MTUS2: variants seen among roughly 807,000 people sequenced by gnomAD.
The protein encoded by MTUS2 is microtubule associated scaffold protein 2, also known as microtubule-associated tumor suppressor candidate 2.
In MTUS2, 40 loss-of-function variants were observed where a neutral mutation model predicts 114.1. The ratio of observed to expected loss-of-function variants is 0.35; its 90% CI spans 0.27 to 0.46. The LOEUF (loss-of-function observed/expected upper bound fraction) is 0.46. MTUS2 is among the 20% of genes least tolerant of loss of function. MTUS2 has a pLI of 1.00. For missense variants in MTUS2, 1,679 were observed against 1,705.4 expected, an observed-to-expected ratio of 0.98 and a Z score of 0.27; for synonymous variants, 688 against 672.0, an observed-to-expected ratio of 1.02 and a Z score of -0.37.
At chr13:29,216,470 C>CT (rs927855044) in intron 5 of MTUS2, among the ~76,000 whole-genome samples, 3 of 152,278 alleles carry the variant, frequency 2.0e-5, no homozygotes, top group Admixed American at 6.5e-5. Flanking sequence ...AATAGCTGCT[C>CT]TATTTTGTGC....
intron 2 of MTUS2, among the ~76,000 whole-genome samples, chr13:28,930,419 G>A (rs1881553363): frequency 6.6e-6 from 1 of 152,162 alleles, no homozygotes; most frequent in Non-Finnish European, 1.5e-5. Flanking sequence ...AACCCTGCCT[G>A]TCTTCCTCTG....
At chr13:29,060,919 G>C (rs965129784) in intron 4 of MTUS2, among the ~76,000 whole-genome samples, 1 of 150,746 alleles carries the variant, frequency 6.6e-6, no homozygotes, top group African/African-American at 2.4e-5. Context: ...TCCTGCCTCA[G>C]CCTCCTGAGT....
intron 5 of MTUS2, among the ~76,000 whole-genome samples, chr13:29,272,897 G>A (rs1897930152): frequency 6.6e-6 from 1 of 152,182 alleles, no homozygotes; most frequent in African/African-American, 2.4e-5. Context: ...AAGATCAAGG[G>A]GCTGACAGAT....
intron 5 of MTUS2, among the ~76,000 whole-genome samples, chr13:29,188,758 T>C (rs1438283725): frequency 6.6e-6 from 1 of 152,086 alleles, no homozygotes; most frequent in Non-Finnish European, 1.5e-5. Flanking sequence ...TCCCAGGAGT[T>C]CCCTTGCCTA....
chr13:29,059,788 A>G lies in MTUS2; in HGVS notation c.2446+25663A>G, dbSNP rs951812346. Among the ~76,000 whole-genome samples, 9 of 152,218 alleles carry G rather than the reference A, an allele frequency of 5.9e-5. 1 individual carries two copies. The highest frequency in any genetic ancestry group is 1.9e-4 in the African/African-American group (8 of 41,456). On this transcript the variant is annotated intron_variant, in intron 4 of 15. Transcript: ENST00000612955. ...AACAGGAGGCCATGCCTGCTGGCTA[A>G]GTTCAGACAGAAGTGGGACCGTTTG...
chr13:29,007,506 CA>C (rs1400873628), intron 2 of MTUS2, among the ~76,000 whole-genome samples: 1 of 152,170 alleles, frequency 6.6e-6, no homozygotes, highest in African/African-American at 2.4e-5. Context: ...TTCAGACTTC[CA>C]AAATTTGGGT....
In MTUS2 at chr13:29,100,760, G is replaced by A. The variant is rs1169026478; in HGVS notation, c.2447-13G>A. The A allele has an allele frequency of 6.5e-7, 1 of 1,548,594 alleles. No homozygotes were observed. Among genetic ancestry groups the A allele is most frequent in the Non-Finnish European group, 8.7e-7 (1 of 1,146,358 alleles). On this transcript the variant is annotated splice_polypyrimidine_tract_variant and intron_variant, in intron 4 of 15. Transcript: ENST00000612955. ...TGAGAATAATTTTTTAATTTTATTT[G>A]GGTTCGTTTTAGCAGATTTAAAGAA...
chr13:29,437,234 A>G (rs1877480341), intron 8 of MTUS2, among the ~76,000 whole-genome samples: 1 of 152,208 alleles, frequency 6.6e-6, no homozygotes, highest in Non-Finnish European at 1.5e-5. Flanking sequence ...GGCCCAGTCT[A>G]AGTCTTTGCA....
intron 9 of MTUS2, among the ~76,000 whole-genome samples, chr13:29,455,075 G>A (rs567103279): frequency 4.6e-5 from 7 of 152,338 alleles, no homozygotes; most frequent in South Asian, 2.1e-4. Flanking sequence ...AAACCTGGGC[G>A]TGGGAGGTGT....
chr13:29,363,016 G>T (rs887406815), intron 8 of MTUS2, among the ~76,000 whole-genome samples: 1 of 152,186 alleles, frequency 6.6e-6, no homozygotes, highest in South Asian at 2.1e-4. Context: ...CTGCAGCAAG[G>T]TATGTTCCTC....
intron 4 of MTUS2, among the ~76,000 whole-genome samples, chr13:29,075,563 T>C (rs1224764424): frequency 2.0e-5 from 3 of 152,216 alleles, no homozygotes; most frequent in African/African-American, 7.2e-5. Context: ...TGAATATTAC[T>C]GGATTCACTC....
intron 15 of MTUS2, 30 bp downstream of exon 15, chr13:29,501,224 G>T (rs199681977): frequency 1.9e-6 from 3 of 1,549,080 alleles, no homozygotes; most frequent in Admixed American, 1.7e-5. Flanking sequence ...CCTACAAAGT[G>T]ACTTTCCTCT....
chr13:29,289,030 A>G (rs993767868), intron 6 of MTUS2, among the ~76,000 whole-genome samples: 5 of 152,268 alleles, frequency 3.3e-5, no homozygotes, highest in African/African-American at 1.2e-4. Context: ...TAAAAAATAA[A>G]TAAGTGTTCT....
At chr13:29,020,868 G>A (rs527690023) in intron 2 of MTUS2, among the ~76,000 whole-genome samples, 17 of 151,718 alleles carry the variant, frequency 1.1e-4, no homozygotes, top group Non-Finnish European at 2.4e-4. Flanking sequence ...AAAGCAAGGG[G>A]ATGTGAAGAC....
At chr13:28,967,921 T>G (rs2138240925) in intron 2 of MTUS2, among the ~76,000 whole-genome samples, 1 of 152,210 alleles carries the variant, frequency 6.6e-6, no homozygotes, top group South Asian at 2.1e-4. Context: ...ATGTTGGAGA[T>G]GTGGACAGAA....
intron 2 of MTUS2, among the ~76,000 whole-genome samples, chr13:28,966,724 C>CAAAAA (rs10597818): frequency 2.4e-4 from 20 of 82,280 alleles, no homozygotes; most frequent in African/African-American, 6.4e-4. Context: ...GACCCTGTCT[C>CAAAAA]AAAAAAAAAA....
At chr13:28,968,062 A>G (rs770664348) in intron 2 of MTUS2, among the ~76,000 whole-genome samples, 1 of 152,192 alleles carries the variant, frequency 6.6e-6, no homozygotes, top group Non-Finnish European at 1.5e-5. Context: ...CTAACATTAG[A>G]CTGCAATACC....
At chr13:29,472,631 A>G (rs184458986) in intron 9 of MTUS2, among the ~76,000 whole-genome samples, 19 of 152,380 alleles carry the variant, frequency 1.2e-4, no homozygotes, top group Admixed American at 8.5e-4. Flanking sequence ...AGATGCTCAT[A>G]ATATCTAATC....
At chr13:29,436,102 G>A (rs573425482) in intron 8 of MTUS2, among the ~76,000 whole-genome samples, 1 of 152,338 alleles carries the variant, frequency 6.6e-6, no homozygotes, top group Non-Finnish European at 1.5e-5. Flanking sequence ...CTTTCATTGA[G>A]ACAGAGTAGT....
Sources: allele counts gnomAD v4.1 joint callset (sites outside exome capture counted in the v4.1 genomes callset), GRCh38; gene constraint gnomAD v4.1.1; transcripts MANE v1.5; gene names NCBI Gene and HGNC (gene_info 2026-07-23, HGNC 2026-07-21).